SUZ12: variants seen among roughly 807,000 people sequenced by gnomAD.
SUZ12 encodes the protein polycomb protein SUZ12.
Under a neutral mutation model 87.3 loss-of-function variants are expected in SUZ12, and 17 were observed. That is an observed-to-expected ratio of 0.19 (90% CI 0.13 to 0.29). The LOEUF (loss-of-function observed/expected upper bound fraction) is 0.29, where lower values mean the gene tolerates loss of function less well. Among genes scored for constraint, SUZ12 ranks in the 10% least tolerant of loss-of-function variants. The pLI is 1.00. For missense variants in SUZ12, 526 were observed against 912.2 expected, an observed-to-expected ratio of 0.58 and a Z score of 5.45; for synonymous variants, 253 against 312.4, an observed-to-expected ratio of 0.81 and a Z score of 2.01.
intron 8 of SUZ12, among the ~76,000 whole-genome samples, chr17:31,981,544 G>A (rs1909104060): frequency 6.6e-6 from 1 of 152,158 alleles, no homozygotes; most frequent in South Asian, 2.1e-4. Flanking sequence ...CTATGTAAAA[G>A]CATAAGGAAG....
chr17:31,952,825 A>C (rs1419148467), intron 4 of SUZ12, among the ~76,000 whole-genome samples: 2 of 152,118 alleles, frequency 1.3e-5, no homozygotes, highest in African/African-American at 4.8e-5. Flanking sequence ...GGCCTTCCAA[A>C]GTGCTGGGAT....
At chr17:31,984,821 G>T (rs1240276117) in intron 9 of SUZ12, among the ~76,000 whole-genome samples, 1 of 152,192 alleles carries the variant, frequency 6.6e-6, no homozygotes, top group Admixed American at 6.6e-5. Context: ...GTGTTTTAGG[G>T]ACGTGAGGAC....
intron 4 of SUZ12, among the ~76,000 whole-genome samples, chr17:31,960,037 C>T (rs1343735173): frequency 7.9e-5 from 12 of 152,158 alleles, no homozygotes; most frequent in African/African-American, 2.4e-5. Flanking sequence ...TCCTGACCAA[C>T]CTTACGTGTT....
intron 3 of SUZ12, among the ~76,000 whole-genome samples, chr17:31,945,133 A>G (rs552680042): frequency 6.6e-6 from 1 of 150,556 alleles, no homozygotes; most frequent in East Asian, 1.9e-4. Flanking sequence ...CTTATTACTT[A>G]TTAGGACTAA....
At chr17:31,969,379 T>A (rs532086397) in intron 5 of SUZ12, among the ~76,000 whole-genome samples, 1 of 152,096 alleles carries the variant, frequency 6.6e-6, no homozygotes, top group African/African-American at 2.4e-5. Context: ...GAACTCCCGA[T>A]CTCAGGTGAT....
chr17:31,988,129 G>A (rs1326972330), intron 9 of SUZ12, among the ~76,000 whole-genome samples, 191 bp from the exon 10 acceptor site: 34 of 152,134 alleles, frequency 2.2e-4, no homozygotes, highest in Admixed American at 2.2e-3. Context: ...GTGCTCTCCA[G>A]TTCAAGTTCT....
chr17:31,953,273 T>C (rs554732144), intron 4 of SUZ12, among the ~76,000 whole-genome samples: 1 of 151,996 alleles, frequency 6.6e-6, no homozygotes, highest in South Asian at 2.1e-4. Flanking sequence ...ACCTGGCTAA[T>C]TTTTGTTTTT....
At chr17:31,990,060 A>G (rs145374961) in intron 10 of SUZ12, among the ~76,000 whole-genome samples, 1,716 of 141,028 alleles carry the variant, frequency 0.012, 35 homozygotes, top group African/African-American at 0.042. Context: ...GTTCATGCCA[A>G]TTTCCTGCCT....
In SUZ12 at chr17:31,993,972, T is replaced by G. The variant is rs1165403302; in HGVS notation, c.1401T>G (p.Leu467=). Residue 467 remains leucine (L), a synonymous_variant, in exon 12 of 16, where the codon CTT becomes CTG. Transcript: ENST00000322652. ...AACTTTATAGTTTACTCAAGCATCTTAAACTCTGCCATAGCAGATTTATCT... is the reference window on the plus strand; with the variant it reads ...AACTTTATAGTTTACTCAAGCATCTGAAACTCTGCCATAGCAGATTTATCT... ...CRKLYSLLKH[L]KLCHSRFIFN... The G allele has an allele frequency of 6.2e-7, 1 of 1,613,536 alleles. No individual in the cohort carries two copies. The highest frequency in any genetic ancestry group is 8.5e-7 in the Non-Finnish European group (1 of 1,179,890).
At chr17:31,986,645 G>C (rs1321046240) in intron 9 of SUZ12, among the ~76,000 whole-genome samples, 1 of 151,704 alleles carries the variant, frequency 6.6e-6, no homozygotes, top group Non-Finnish European at 1.5e-5. Flanking sequence ...TCTGCCTTTC[G>C]AGTTCAAGCG....
chr17:31,959,507 G>C (rs1487971565), intron 4 of SUZ12, among the ~76,000 whole-genome samples: 2 of 152,118 alleles, frequency 1.3e-5, no homozygotes, highest in Non-Finnish European at 2.9e-5. Context: ...ATGTAGACAC[G>C]AGTTTCTCAG....
intron 10 of SUZ12, among the ~76,000 whole-genome samples, chr17:31,992,071 T>A (rs1433539161): frequency 6.6e-6 from 1 of 151,726 alleles, no homozygotes; most frequent in Non-Finnish European, 1.5e-5. Context: ...ATGAGCAGAT[T>A]GCCTGAACTC....
chr17:31,998,317 G>C (rs1482723375), intron 15 of SUZ12, among the ~76,000 whole-genome samples: 1 of 152,016 alleles, frequency 6.6e-6, no homozygotes, highest in Non-Finnish European at 1.5e-5. Context: ...CTGATCTTGC[G>C]ATCCACCCAC....
intron 8 of SUZ12, among the ~76,000 whole-genome samples, chr17:31,978,222 T>G (rs901974386): frequency 1.3e-5 from 2 of 152,094 alleles, no homozygotes; most frequent in African/African-American, 4.8e-5. Flanking sequence ...TATTTGTTTA[T>G]TTTTGAGACG....
intron 15 of SUZ12, among the ~76,000 whole-genome samples, chr17:31,998,135 A>T (rs1910077832): frequency 6.8e-6 from 1 of 147,370 alleles, no homozygotes; most frequent in Admixed American, 6.9e-5. Flanking sequence ...GCTGGAGTGC[A>T]GTGGTGTGAT....
intron 4 of SUZ12, among the ~76,000 whole-genome samples, chr17:31,949,660 GCCCCCCCC>G (rs796561870): frequency 9.9e-3 from 53 of 5,378 alleles, no homozygotes; most frequent in African/African-American, 0.025. Flanking sequence ...ACCACACCCA[GCCCCCCCC>G]CCCCCCCCTT....
intron 4 of SUZ12, among the ~76,000 whole-genome samples, chr17:31,950,349 C>G (rs1906890967): frequency 6.6e-6 from 1 of 152,164 alleles, no homozygotes; most frequent in Admixed American, 6.5e-5. Context: ...ATGATGCCAG[C>G]AATATAAATA....
chr17:31,937,322 G>T lies in SUZ12; in HGVS notation c.76G>T (p.Gly26Trp), dbSNP rs1421240953. The T allele has an allele frequency of 2.1e-6, 3 of 1,457,996 alleles. No homozygotes were observed. Among genetic ancestry groups the T allele is most frequent in the Non-Finnish European group, 2.7e-6 (3 of 1,112,212 alleles). 90.3% of individuals were successfully genotyped at this position (1,457,996 alleles called of 1,614,324 possible). The change falls in exon 1 of 16, where the codon GGG (glycine) becomes TGG (tryptophan). Residue 26 changes from glycine to tryptophan, a missense_variant. Around this residue, in one of 9 missense-constraint regions of SUZ12, gnomAD observed 92 missense variants for 109.9 expected, o/e 0.84. Transcript: ENST00000322652. ...PSAGSGGGGF[G>W]GSAAVAAATA... The stretch of plus-strand genomic sequence containing the variant: ...CGCGGGGTCCGGGGGAGGCGGCTTC[G>T]GGGGTTCGGCGGCGGTGGCGGCGGC...
chr17:31,961,535 C>G (rs1414466588), intron 4 of SUZ12, among the ~76,000 whole-genome samples: 7 of 152,210 alleles, frequency 4.6e-5, no homozygotes, highest in Non-Finnish European at 7.3e-5. Flanking sequence ...CAGTAAGACT[C>G]CGTCTCAAAA....
Sources: allele counts gnomAD v4.1 joint callset (sites outside exome capture counted in the v4.1 genomes callset), GRCh38; gene constraint gnomAD v4.1.1; regional missense constraint gnomAD v4.1.1; transcripts MANE v1.5; gene names NCBI Gene and HGNC (gene_info 2026-07-23, HGNC 2026-07-21).